The following ZNF600 variants were observed in gnomAD, a reference collection of about 807,000 sequenced individuals.
ZNF600 encodes the protein zinc finger protein KR-ZNF1.
In ZNF600, 4 loss-of-function variants were observed where a neutral mutation model predicts 7.3. That is an observed-to-expected ratio of 0.55 (90% CI 0.27 to 1.25). The LOEUF is 1.25. ZNF600 is among the 50% of genes most tolerant of loss of function. ZNF600 has a pLI of 0.12. For missense variants in ZNF600, 911 were observed against 922.1 expected (o/e 0.99, Z 0.16); for synonymous variants, 290 against 308.9 (o/e 0.94, Z 0.64).
the ZNF600 span, among the ~76,000 whole-genome samples, chr19:52,813,281 TGG>T: frequency 1.3e-5 from 1 of 74,760 alleles, no homozygotes. Context: ...AGACATACTG[TGG>T]AAGGACAGAG....
the ZNF600 span, among the ~76,000 whole-genome samples, chr19:52,812,143 G>GA: frequency 1.6e-5 from 2 of 123,862 alleles, no homozygotes; most frequent in East Asian, 4.7e-4. Flanking sequence ...GAGGGTGGTG[G>GA]GGGGGTCAGC....
At chr19:52,773,311 A>G (rs1184675535) in intron 3 of ZNF600, among the ~76,000 whole-genome samples, 2 of 152,230 alleles carry the variant, frequency 1.3e-5, no homozygotes, top group Non-Finnish European at 2.9e-5. Context: ...TATTCAAATT[A>G]CAATATGGGC....
the ZNF600 span, among the ~76,000 whole-genome samples, chr19:52,806,479 C>T: frequency 6.6e-6 from 1 of 152,028 alleles, no homozygotes; most frequent in Non-Finnish European, 1.5e-5. Context: ...CAGGTGTCAG[C>T]CACTGCACAC....
At chr19:52,816,834 A>AAAAAAT in the ZNF600 span, among the ~76,000 whole-genome samples, 3 of 138,402 alleles carry the variant, frequency 2.2e-5, no homozygotes, top group African/African-American at 8.0e-5. Flanking sequence ...CCGTTTCAGA[A>AAAAAAT]AATAATAATA....
the ZNF600 span, among the ~76,000 whole-genome samples, chr19:52,827,420 C>A: frequency 6.6e-6 from 1 of 152,060 alleles, no homozygotes; most frequent in Admixed American, 6.6e-5. Context: ...GCTAAACGTG[C>A]ATCCAAATGT....
At chr19:52,808,845 C>T in the ZNF600 span, among the ~76,000 whole-genome samples, 1 of 151,868 alleles carries the variant, frequency 6.6e-6, no homozygotes, top group Non-Finnish European at 1.5e-5. Flanking sequence ...AACAAAATTA[C>T]TCAAAGTACA....
At chr19:52,778,473 T>A (rs2062694253) in intron 2 of ZNF600, among the ~76,000 whole-genome samples, 1 of 152,312 alleles carries the variant, frequency 6.6e-6, no homozygotes, top group African/African-American at 2.4e-5. Flanking sequence ...ATGTATTTCA[T>A]ATGTAGTTTC....
At chr19:52,784,240 AC>A (rs768087362) in intron 1 of ZNF600, among the ~76,000 whole-genome samples, 1 of 151,874 alleles carries the variant, frequency 6.6e-6, no homozygotes, top group African/African-American at 2.4e-5. Context: ...AAACAAACAA[AC>A]AAAGAAAAAA....
the ZNF600 span, chr19:52,810,738 AAAAG>A: frequency 1.4e-6 from 1 of 697,534 alleles, no homozygotes; most frequent in Admixed American, 2.3e-5. Context: ...AGAGAGGAAA[AAAAG>A]AGGAAAGAAG....
intron 1 of ZNF600, among the ~76,000 whole-genome samples, chr19:52,784,870 G>A (rs2062751154): frequency 6.6e-6 from 1 of 152,118 alleles, no homozygotes; most frequent in Non-Finnish European, 1.5e-5. Context: ...GAAACTGCAG[G>A]TGCACACTAT....
At chr19:52,788,881 A>G (rs527913372), upstream of ZNF600, among the ~76,000 whole-genome samples, 3 of 152,362 alleles carry the variant, frequency 2.0e-5, no homozygotes, top group Admixed American at 2.0e-4. Context: ...CATAGAAGCT[A>G]TATTTGCAAA....
the ZNF600 span, among the ~76,000 whole-genome samples, chr19:52,829,596 A>G: frequency 4.0e-5 from 6 of 150,774 alleles, no homozygotes; most frequent in African/African-American, 1.5e-4. Context: ...CTGGTCTCGA[A>G]CTCCTGACCT....
At chr19:52,819,495 C>G in the ZNF600 span, among the ~76,000 whole-genome samples, 9,808 of 52,360 alleles carry the variant, frequency 0.19, 2,424 homozygotes, top group Middle Eastern at 0.24. Flanking sequence ...CCCAGACACC[C>G]ACTCTATTTT....
chr19:52,805,132 T>C, the ZNF600 span: 13 of 151,632 alleles, frequency 8.6e-5, no homozygotes, highest in Admixed American at 5.9e-4. Context: ...TAGCCCGCGG[T>C]GTTGGCACTC....
At chr19:52,816,532 C>T in the ZNF600 span, among the ~76,000 whole-genome samples, 1 of 145,138 alleles carries the variant, frequency 6.9e-6, no homozygotes, top group Non-Finnish European at 1.5e-5. Flanking sequence ...GGCATGGTGG[C>T]GGGTGCCTGT....
intron 1 of ZNF600, among the ~76,000 whole-genome samples, chr19:52,784,119 C>A (rs1273000064): frequency 6.6e-6 from 1 of 152,090 alleles, no homozygotes; most frequent in East Asian, 1.9e-4. Context: ...CCCGGCATGG[C>A]GGCTCATCCC....
At chr19:52,776,371 A>C (rs549498055) in intron 2 of ZNF600, among the ~76,000 whole-genome samples, 7 of 152,072 alleles carry the variant, frequency 4.6e-5, no homozygotes, top group African/African-American at 9.7e-5. Flanking sequence ...AGGTCGCTGA[A>C]TGGACACACA....
At chr19:52,828,635 T>C in the ZNF600 span, among the ~76,000 whole-genome samples, 10 of 152,174 alleles carry the variant, frequency 6.6e-5, no homozygotes, top group Non-Finnish European at 7.4e-5. Flanking sequence ...ACTGGGAAAA[T>C]TGATAAACTG....
chr19:52,807,020 C>T, the ZNF600 span, among the ~76,000 whole-genome samples: 1 of 152,220 alleles, frequency 6.6e-6, no homozygotes, highest in African/African-American at 2.4e-5. Flanking sequence ...AATTCTCCCA[C>T]TTGCAGAGAG....
Sources: allele counts gnomAD v4.1 joint callset (sites outside exome capture counted in the v4.1 genomes callset), GRCh38; gene constraint gnomAD v4.1.1; transcripts MANE v1.5; gene names NCBI Gene and HGNC (gene_info 2026-07-23, HGNC 2026-07-21).